The following FZD3 variants were observed in gnomAD, a reference collection of about 807,000 sequenced individuals.
FZD3 encodes the protein frizzled-3.
FZD3 carries 30 observed loss-of-function variants against 60.7 expected under a neutral mutation model. That is an observed-to-expected ratio of 0.49 (90% confidence interval 0.37 to 0.67). The LOEUF (loss-of-function observed/expected upper bound fraction) is 0.67. Among genes scored for constraint, FZD3 ranks in the 30% least tolerant of loss-of-function variants. The pLI, the probability that FZD3 is intolerant of heterozygous loss-of-function variation, is 0.00. For synonymous variants in FZD3, 246 were observed against 275.2 expected, an observed-to-expected ratio of 0.89 and a Z score of 1.05; for missense variants, 605 against 838.7, an observed-to-expected ratio of 0.72 and a Z score of 3.44.
intron 5 of FZD3, among the ~76,000 whole-genome samples, chr8:28,535,429 G>T (rs905234349): frequency 3.9e-5 from 6 of 152,102 alleles, no homozygotes; most frequent in Non-Finnish European, 5.9e-5. Context: ...ACTTTATTCA[G>T]ATTTCCTTAG....
intron 3 of FZD3, among the ~76,000 whole-genome samples, chr8:28,511,526 C>T (rs6984625): frequency 1.3e-5 from 2 of 151,954 alleles, no homozygotes; most frequent in Admixed American, 6.6e-5. Flanking sequence ...CCAATCCTTG[C>T]CTAGAGGATC....
At chr8:28,530,986 A>G (rs886127993) in intron 5 of FZD3, among the ~76,000 whole-genome samples, 1 of 152,196 alleles carries the variant, frequency 6.6e-6, no homozygotes, top group African/African-American at 2.4e-5. Context: ...ATAGAGATAT[A>G]GAAAATAAAT....
At position 28,564,472 on chromosome 8, in the gene FZD3, C is replaced by G. The variant is rs2130481619; in HGVS notation, c.*1461C>G. On this transcript the variant is annotated 3_prime_UTR_variant, in exon 8 of 8. Transcript: ENST00000240093. ...AAAAAAAAAAAAAAAAAAAGCGCTC[C>G]AGGTGATTCTAATCTGCAGCCTGGC... 1 of 140,738 alleles carries G rather than the reference C, an allele frequency of 7.1e-6. No homozygotes were observed. Among genetic ancestry groups the G allele is most frequent in the Middle Eastern group, 4.0e-3 (1 of 252 alleles). 8.7% of individuals were successfully genotyped at this position (140,738 alleles called of 1,614,324 possible). A position where few individuals can be genotyped will look rare whatever the true frequency, so the allele number is the denominator to read the frequency against.
At chr8:28,522,212 C>A (rs997261864) in intron 4 of FZD3, among the ~76,000 whole-genome samples, 15 of 147,676 alleles carry the variant, frequency 1.0e-4, no homozygotes, top group Admixed American at 2.1e-4. Context: ...TCAAGCGATT[C>A]TCCTGCCTTA....
Position 28,520,670 on chromosome 8 carries a change from T to C in FZD3, c.222T>C (p.Ser74=), listed in dbSNP as rs1182459067. The change falls in exon 4 of 8, where the codon TCT becomes TCC. Residue 74 remains serine, a synonymous_variant. Transcript: ENST00000240093. ...ACCCTATGGTGAATCTGGATTGTTC[T>C]CGGGATTTCCGGCCTTTTCTTTGTG... ...PFHPMVNLDC[S]RDFRPFLCAL... is the part of the protein sequence containing the mutation. 4 of 1,605,296 alleles carry C rather than the reference T, an allele frequency of 2.5e-6. No individual in the cohort carries two copies. Among genetic ancestry groups the C allele is most frequent in the East Asian group, 2.2e-5 (1 of 44,738 alleles).
chr8:28,541,232 A>C (rs1408041204), intron 5 of FZD3, among the ~76,000 whole-genome samples: 1 of 152,216 alleles, frequency 6.6e-6, no homozygotes, highest in Non-Finnish European at 1.5e-5. Flanking sequence ...CTCTGGCTCC[A>C]ACACTCTGCC....
Position 28,511,476 on chromosome 8 carries a change from GA to G in FZD3, c.189+8275del, listed in dbSNP as rs75239789. Among the ~76,000 whole-genome samples, 703 of 152,240 alleles carry G rather than the reference GA, an allele frequency of 4.6e-3. 23 individuals are homozygous for G. In the East Asian group the frequency reaches 0.089, roughly 19 times the overall value. Reference sequence around the variant, plus strand: ...CTCCATCCAGTCTGGGTAATGGAGTGAGACTCCATCTCACAAAAATAAAAAA... The same window carrying G: ...CTCCATCCAGTCTGGGTAATGGAGTGGACTCCATCTCACAAAAATAAAAAA... On this transcript the variant is annotated intron_variant, in intron 3 of 7. Transcript: ENST00000240093.
chr8:28,496,876 C>T (rs1181534902), intron 1 of FZD3, among the ~76,000 whole-genome samples: 1 of 152,124 alleles, frequency 6.6e-6, no homozygotes, highest in Non-Finnish European at 1.5e-5. Flanking sequence ...GTAGTCAAAG[C>T]ATGCAAACCT....
intron 5 of FZD3, among the ~76,000 whole-genome samples, chr8:28,546,803 G>A (rs1392836741): frequency 2.6e-5 from 4 of 151,984 alleles, no homozygotes; most frequent in African/African-American, 7.2e-5. Context: ...GTGAAACCCC[G>A]TCTCTACTAA....
rs904392696 is a variant in FZD3, at chr8:28,571,413, TA to T, written c.*8407del. 2 of 152,178 alleles carry T rather than the reference TA, an allele frequency of 1.3e-5. No homozygotes were observed. The highest frequency in any genetic ancestry group is 4.8e-5 in the African/African-American group (2 of 41,456). The allele number at this position is 152,178 out of a possible 1,614,324, so 9.4% of individuals were successfully genotyped here. The stretch of plus-strand genomic sequence containing the variant: ...CATTGAGCTGAGGTGAATGTATACT[TA>T]AAAATACTCTATTTTCTTTTTATAT... On this transcript the variant is annotated 3_prime_UTR_variant, in exon 8 of 8. Coordinates refer to ENST00000240093, the MANE Select transcript of FZD3 (RefSeq NM_017412.4).
At chr8:28,504,950 C>T (rs1435350455) in intron 3 of FZD3, among the ~76,000 whole-genome samples, 1 of 152,200 alleles carries the variant, frequency 6.6e-6, no homozygotes, top group African/African-American at 2.4e-5. Context: ...CACTGACATT[C>T]TGGGGAGAGC....
chr8:28,539,037 G>A (rs866852193), intron 5 of FZD3, among the ~76,000 whole-genome samples: 3 of 151,948 alleles, frequency 2.0e-5, no homozygotes, highest in East Asian at 3.9e-4. Flanking sequence ...AAAAAAATAC[G>A]GAGAAACCTA....
rs1193437757 is a variant in FZD3 at position 28,499,988 on chromosome 8, A to G, written c.-345+10A>G. ...GCACTTGTAACCTGAGGTAATCATT[A>G]GAATGCATATCATTCTCCAGGATTC... is the stretch of plus-strand genomic sequence containing the variant. On this transcript the variant is annotated intron_variant, in intron 2 of 7. Coordinates refer to ENST00000240093, the MANE Select transcript of FZD3 (RefSeq NM_017412.4). The G allele has an allele frequency of 6.6e-6, 1 of 152,234 alleles. No individual in the cohort carries two copies. Among genetic ancestry groups the G allele is most frequent in the Non-Finnish European group, 1.5e-5 (1 of 68,032 alleles). 9.4% of individuals were successfully genotyped at this position (152,234 alleles called of 1,614,324 possible).
Position 28,572,357 on chromosome 8 carries a change from A to G in FZD3, c.*9346A>G, listed in dbSNP as rs1260851646. On this transcript the variant is annotated 3_prime_UTR_variant, in exon 8 of 8. Transcript: ENST00000240093. ...TTAACTTCTCATCCTAACCCTATCA[A>G]TATATCAGAGGCTTTATGAAGGAGA... 2 of 152,194 alleles carry G rather than the reference A, an allele frequency of 1.3e-5. No homozygotes were observed. Among genetic ancestry groups the G allele is most frequent in the African/African-American group, 2.4e-5 (1 of 41,454 alleles). The allele number at this position is 152,194 out of a possible 1,614,324, so 9.4% of individuals were successfully genotyped here.
At chr8:28,553,244 C>T (rs144301749) in intron 6 of FZD3, among the ~76,000 whole-genome samples, 3 of 152,310 alleles carry the variant, frequency 2.0e-5, no homozygotes, top group Middle Eastern at 3.4e-3. Flanking sequence ...AAAAAAAATT[C>T]GTCTTCTAGG....
At chr8:28,554,210 C>G (rs1805463771) in intron 6 of FZD3, among the ~76,000 whole-genome samples, 1 of 152,142 alleles carries the variant, frequency 6.6e-6, no homozygotes, top group Non-Finnish European at 1.5e-5. Context: ...CTTAATTTCT[C>G]TGGACATTAT....
At chr8:28,551,441 G>A (rs1318725872) in intron 5 of FZD3, among the ~76,000 whole-genome samples, 162 bp from the exon 6 acceptor site, 1 of 152,186 alleles carries the variant, frequency 6.6e-6, no homozygotes. Flanking sequence ...GCTTGAACCT[G>A]GGAGGCAGAG....
intron 5 of FZD3, among the ~76,000 whole-genome samples, chr8:28,543,948 A>G (rs1298264653): frequency 6.6e-6 from 1 of 152,056 alleles, no homozygotes; most frequent in Non-Finnish European, 1.5e-5. Flanking sequence ...CAGCTTAGAA[A>G]ACACTGAGGT....
At chr8:28,518,947 T>C (rs1804502775) in intron 3 of FZD3, among the ~76,000 whole-genome samples, 1 of 152,236 alleles carries the variant, frequency 6.6e-6, no homozygotes, top group African/African-American at 2.4e-5. Flanking sequence ...TAACTTAAAA[T>C]TTTTTCTGTT....
Sources: allele counts gnomAD v4.1 joint callset (sites outside exome capture counted in the v4.1 genomes callset), GRCh38; gene constraint gnomAD v4.1.1; transcripts MANE v1.5; gene names NCBI Gene and HGNC (gene_info 2026-07-23, HGNC 2026-07-21).